The following ADGRE3 variants were observed in gnomAD, a reference collection of about 807,000 sequenced individuals.
The protein encoded by ADGRE3 is adhesion G protein-coupled receptor E3.
In ADGRE3, 88 loss-of-function variants were observed where a neutral mutation model predicts 80.1. The observed-to-expected ratio is 1.10, with a 90% CI of 0.93 to 1.31. The LOEUF (loss-of-function observed/expected upper bound fraction) is 1.31, where lower values mean the gene tolerates loss of function less well. ADGRE3 is among the 40% of genes most tolerant of loss of function. ADGRE3 has a pLI of 0.00. For missense variants in ADGRE3, 715 were observed against 776.5 expected (o/e 0.92, Z 0.94); for synonymous variants, 281 against 294.8 (o/e 0.95, Z 0.48).
rs749540456 is a variant in ADGRE3 at position 14,654,966 on chromosome 19, C to T, written c.577+16G>A. 2 of 1,610,150 alleles carry T rather than the reference C, an allele frequency of 1.2e-6. No homozygotes were observed. Among genetic ancestry groups the T allele is most frequent in the South Asian group, 2.2e-5 (2 of 90,628 alleles). On this transcript the variant is annotated intron_variant, in intron 6 of 15. Transcript: ENST00000253673. ...AACCAGTCCCCAGGGTGTATCAGTC[C>T]TCATTATTGTCTTACCTACACTATC...
intron 6 of ADGRE3, 116 bp from the exon 7 acceptor site, chr19:14,651,320 CAGA>C: frequency 8.7e-7 from 1 of 1,149,816 alleles, no homozygotes; most frequent in Non-Finnish European, 1.3e-6. Flanking sequence ...GAGGCTGAGG[CAGA>C]AGGATTGCTT....
At chr19:14,651,282 G>A (rs1341402999) in intron 6 of ADGRE3, 78 bp from the exon 7 acceptor site, 1 of 1,491,618 alleles carries the variant, frequency 6.7e-7, no homozygotes, top group Admixed American at 1.7e-5. Flanking sequence ...GGACATGGTG[G>A]TGCATGCCTG....
chr19:14,618,529 G>C (rs1018823630), downstream of ADGRE3, among the ~76,000 whole-genome samples: 9 of 151,612 alleles, frequency 5.9e-5, no homozygotes, highest in African/African-American at 2.2e-4. Flanking sequence ...ACTCCAGCCT[G>C]GGTGACAGAG....
At chr19:14,632,875 C>G in intron 13 of ADGRE3, 46 bp downstream of exon 13, 1 of 1,310,076 alleles carries the variant, frequency 7.6e-7, no homozygotes. Context: ...GTAGGAAGGA[C>G]TGGCAGAAGG....
intron 15 of ADGRE3, among the ~76,000 whole-genome samples, chr19:14,624,959 C>T (rs982770716): frequency 1.3e-5 from 2 of 151,376 alleles, no homozygotes; most frequent in African/African-American, 2.4e-5. Flanking sequence ...GGAAAAGAGC[C>T]GATGTGTGCT....
In ADGRE3 at chr19:14,619,448, C is replaced by T. The variant is rs746359293; in HGVS notation, c.1944G>A (p.Val648=). The T allele has an allele frequency of 1.3e-6, 2 of 1,593,804 alleles. No individual in the cohort carries two copies. Among genetic ancestry groups the T allele is most frequent in the Non-Finnish European group, 1.7e-6 (2 of 1,162,116 alleles). The change falls in exon 16 of 16, where the codon GTG becomes GTA. Residue 648 remains valine, a synonymous_variant. Transcript: ENST00000253673. Reference sequence around the variant, plus strand: ...TATTCTAGTTTTAATATTTTCTCTTCACTTGTCCTGGAAAAACATCCCCCT... The same window carrying T: ...TATTCTAGTTTTAATATTTTCTCTTTACTTGTCCTGGAAAAACATCCCCCT... ...PSEGDVFPGQ[V]KRKY
At chr19:14,631,424 G>A (rs559865993) in intron 13 of ADGRE3, among the ~76,000 whole-genome samples, 188 of 150,964 alleles carry the variant, frequency 1.2e-3, no homozygotes, top group African/African-American at 4.0e-3. Flanking sequence ...ACATTGTGTC[G>A]ACAGACATAA....
chr19:14,617,341 C>CCTTCCTTCCTTTCTTT (rs1555752262), downstream of ADGRE3, among the ~76,000 whole-genome samples: 2 of 57,170 alleles, frequency 3.5e-5, no homozygotes, highest in African/African-American at 1.2e-4. Flanking sequence ...TCCCTCCCTC[C>CCTTCCTTCCTTTCTTT]CTTTCTTTCT....
chr19:14,619,931 A>G (rs1445731151), intron 15 of ADGRE3, among the ~76,000 whole-genome samples: 1 of 152,194 alleles, frequency 6.6e-6, no homozygotes, highest in Non-Finnish European at 1.5e-5. Context: ...GAAGCCTATG[A>G]GGTTAGTGCT....
At chr19:14,643,144 GTTTTTT>G (rs373306807) in intron 9 of ADGRE3, among the ~76,000 whole-genome samples, 2 of 124,066 alleles carry the variant, frequency 1.6e-5, no homozygotes, top group Admixed American at 8.4e-5. Flanking sequence ...AGTAATCATG[GTTTTTT>G]TTTTTTTTTT....
In ADGRE3 at chr19:14,674,712, G is replaced by A. The variant is rs531467477; in HGVS notation, c.25+34C>T. On this transcript the variant is annotated intron_variant, in intron 1 of 15. Coordinates refer to ENST00000253673, the MANE Select transcript of ADGRE3 (RefSeq NM_032571.5). ...CAAGTGGTCCCTGACTGGGGGATAG[G>A]TTAAGCCTCAGTCATTGTTACAGTC... is the stretch of plus-strand genomic sequence containing the variant. The A allele has an allele frequency of 1.2e-5, 19 of 1,609,132 alleles. 1 individual carries two copies. In the East Asian group the frequency reaches 3.6e-4, roughly 30 times the overall value.
chr19:14,624,540 G>A (rs1042399395), intron 15 of ADGRE3, among the ~76,000 whole-genome samples: 1 of 151,840 alleles, frequency 6.6e-6, no homozygotes. Flanking sequence ...AGGACTGCTC[G>A]AGCTGGGAGA....
At chr19:14,615,623 G>A (rs972456906), downstream of ADGRE3, among the ~76,000 whole-genome samples, 10 of 151,412 alleles carry the variant, frequency 6.6e-5, no homozygotes, top group Admixed American at 2.0e-4. Flanking sequence ...TTAGCCGGGC[G>A]TGGTGGTGCG....
At chr19:14,643,535 T>A (rs899360687) in intron 9 of ADGRE3, among the ~76,000 whole-genome samples, 16 of 152,036 alleles carry the variant, frequency 1.1e-4, no homozygotes, top group Admixed American at 6.6e-4. Context: ...GATCCCCCAA[T>A]ACACACCCTG....
At chr19:14,651,388 A>G (rs1308000408) in intron 6 of ADGRE3, among the ~76,000 whole-genome samples, 184 bp from the exon 7 acceptor site, 1 of 152,140 alleles carries the variant, frequency 6.6e-6, no homozygotes, top group Non-Finnish European at 1.5e-5. Flanking sequence ...CTAAAAAAAA[A>G]ATGTTCATAG....
chr19:14,665,463 G>A (rs1423391869), intron 2 of ADGRE3, among the ~76,000 whole-genome samples: 4 of 151,974 alleles, frequency 2.6e-5, no homozygotes, highest in Admixed American at 6.6e-5. Context: ...GTGCACGCAA[G>A]TCTTAATGCA....
intron 8 of ADGRE3, among the ~76,000 whole-genome samples, chr19:14,645,475 A>G (rs1971373644): frequency 6.6e-6 from 1 of 152,074 alleles, no homozygotes; most frequent in Admixed American, 6.6e-5. Context: ...TTTGTCCAAC[A>G]TGGCCAGACA....
rs1970927256 is a variant in ADGRE3, at chr19:14,632,984, A to T, written c.1580T>A (p.Phe527Tyr). The change falls in exon 13 of 16, where the codon TTT becomes TAT. Residue 527 changes from phenylalanine to tyrosine, a missense_variant. Phe to Tyr is a conservative substitution (Grantham distance 22). Coordinates refer to ENST00000253673, the MANE Select transcript of ADGRE3 (RefSeq NM_032571.5). Reference sequence around the variant, plus strand: ...GGAAAGTTTTCTTTTCAAAATCCAAAAGACCAAGATAAACAATACTAAATT... The same window carrying T: ...GGAAAGTTTTCTTTTCAAAATCCAATAGACCAAGATAAACAATACTAAATT... ...SANLVLFILV[F>Y]WILKRKLSSL... 6.2e-7 allele frequency: 1 copy of T among 1,613,894 alleles called. No individual in the cohort carries two copies. Among genetic ancestry groups the T allele is most frequent in the Non-Finnish European group, 8.5e-7 (1 of 1,179,886 alleles).
chr19:14,603,583 C>A, the ADGRE3 span, among the ~76,000 whole-genome samples: 3 of 152,030 alleles, frequency 2.0e-5, no homozygotes, highest in African/African-American at 7.3e-5. Flanking sequence ...ATTTAGCCTC[C>A]CAAGTAACTG....
Sources: gnomAD v4.1 joint callset for allele counts (sites outside exome capture counted in the v4.1 genomes callset) on GRCh38, gnomAD v4.1.1 for gene constraint, MANE v1.5 for transcripts, NCBI Gene and HGNC (gene_info 2026-07-23, HGNC 2026-07-21) for gene names.